The following AVEN variants were observed in gnomAD, a reference collection of about 807,000 sequenced individuals.
The protein encoded by AVEN is cell death regulator Aven.
Under a neutral mutation model 38.1 loss-of-function variants are expected in AVEN, and 41 were observed. That is an observed-to-expected ratio of 1.08 (90% confidence interval 0.84 to 1.40). The LOEUF (loss-of-function observed/expected upper bound fraction) is 1.40, where lower values mean the gene tolerates loss of function less well. Ranked by LOEUF, AVEN falls within the 40% of genes most tolerant of loss-of-function variation. The pLI, the probability that AVEN is intolerant of heterozygous loss-of-function variation, is 0.00. For synonymous variants in AVEN, 206 were observed against 171.8 expected (o/e 1.20, Z -1.56); for missense variants, 605 against 438.8 (o/e 1.38, Z -3.38).
intron 2 of AVEN, among the ~76,000 whole-genome samples, chr15:33,912,593 C>T (rs1008601070): frequency 6.6e-6 from 1 of 152,206 alleles, no homozygotes; most frequent in Non-Finnish European, 1.5e-5. Context: ...AAAGAGGATA[C>T]TTCAGTTGAG....
At chr15:34,012,544 T>C (rs986073932) in intron 1 of AVEN, among the ~76,000 whole-genome samples, 1 of 152,216 alleles carries the variant, frequency 6.6e-6, no homozygotes, top group East Asian at 1.9e-4. Context: ...ATATGCTTAA[T>C]GCTGCAAATG....
chr15:33,935,730 C>T (rs571522129), intron 2 of AVEN, among the ~76,000 whole-genome samples: 5 of 152,084 alleles, frequency 3.3e-5, no homozygotes, highest in African/African-American at 1.2e-4. Context: ...ATTGAGGCAG[C>T]CTATCTCTAT....
Position 33,875,955 on chromosome 15 carries a change from T to C in AVEN, c.486A>G (p.Glu162=). 6.2e-7 allele frequency: 1 copy of C among 1,613,776 alleles called. No homozygotes were observed. Among genetic ancestry groups the C allele is most frequent in the Non-Finnish European group, 8.5e-7 (1 of 1,179,970 alleles). ...TTGGACAAGAAGCTTCACTATCCCA[T>C]TCTTTCTCCTCAGCAAACCGGAACT... ...FSQFRFAEEK[E]WDSEASCPKQ... The change falls in exon 3 of 6, where the codon GAA becomes GAG. Residue 162 remains glutamate, a synonymous_variant. Transcript: ENST00000306730.
intron 2 of AVEN, among the ~76,000 whole-genome samples, chr15:33,927,083 T>C (rs1171016229): frequency 6.6e-6 from 1 of 152,032 alleles, no homozygotes; most frequent in Non-Finnish European, 1.5e-5. Flanking sequence ...TGAAACCCCA[T>C]CTCTACTAAA....
intron 5 of AVEN, 120 bp from the exon 6 acceptor site, chr15:33,866,848 T>A (rs1033052314): frequency 2.8e-6 from 2 of 708,116 alleles, no homozygotes; most frequent in Admixed American, 5.6e-5. Context: ...TCTTACTCCC[T>A]AAGATGATAC....
downstream of AVEN, chr15:33,858,163 C>T (rs1041632337): frequency 3.5e-5 from 16 of 460,140 alleles, no homozygotes; most frequent in Admixed American, 3.3e-4. Flanking sequence ...GCACCCTGCA[C>T]AGTGGCGTCA....
chr15:34,022,823 G>C (rs1342615435), intron 1 of AVEN, among the ~76,000 whole-genome samples: 1 of 152,198 alleles, frequency 6.6e-6, no homozygotes, highest in East Asian at 1.9e-4. Flanking sequence ...GATTTCTCTT[G>C]GATTTTTGCT....
At chr15:33,941,868 A>T (rs1448698672) in intron 2 of AVEN, among the ~76,000 whole-genome samples, 1 of 152,186 alleles carries the variant, frequency 6.6e-6, no homozygotes, top group Non-Finnish European at 1.5e-5. Context: ...CTATTTACAC[A>T]CTTCAGCTTT....
At chr15:33,917,058 C>G (rs996856932) in intron 2 of AVEN, among the ~76,000 whole-genome samples, 1 of 152,054 alleles carries the variant, frequency 6.6e-6, no homozygotes, top group African/African-American at 2.4e-5. Context: ...CTGGGTCTCT[C>G]CCACAACCCA....
rs535269742 is a variant in AVEN, at chr15:33,878,198, T to C, written c.446-2203A>G. Among the ~76,000 whole-genome samples the C allele has an allele frequency of 1.3e-4, 20 of 152,328 alleles. No individual in the cohort carries two copies. In the East Asian group the frequency reaches 2.9e-3, roughly 22 times the overall value. On this transcript the variant is annotated intron_variant, in intron 2 of 5. Transcript: ENST00000306730. ...TTTGAATTTGTCCAAATTACTCAAA[T>C]TCATTTTTTAAAATATATGAAACGA...
intron 2 of AVEN, among the ~76,000 whole-genome samples, chr15:33,876,492 A>T (rs773762120): frequency 5.9e-5 from 9 of 152,168 alleles, no homozygotes; most frequent in Non-Finnish European, 1.3e-4. Flanking sequence ...GAATCGCTTC[A>T]ACCCGGGAGG....
chr15:34,025,489 T>A (rs1898416449), intron 1 of AVEN, among the ~76,000 whole-genome samples: 1 of 152,134 alleles, frequency 6.6e-6, no homozygotes, highest in South Asian at 2.1e-4. Flanking sequence ...CTCTTAAGTG[T>A]CCCTTCATCC....
chr15:33,928,220 C>T (rs1413549084), intron 2 of AVEN, among the ~76,000 whole-genome samples: 3 of 152,142 alleles, frequency 2.0e-5, no homozygotes, highest in Non-Finnish European at 4.4e-5. Flanking sequence ...GCCACTACAA[C>T]AAAGACACAA....
intron 3 of AVEN, 121 bp downstream of exon 3, chr15:33,875,804 G>A (rs1891199191): frequency 2.1e-6 from 2 of 938,940 alleles, no homozygotes; most frequent in Non-Finnish European, 3.2e-6. Context: ...GTTTAGCTGA[G>A]GGTACACTGT....
intron 5 of AVEN, among the ~76,000 whole-genome samples, chr15:34,049,786 A>T (rs1260922591): frequency 6.6e-6 from 1 of 152,058 alleles, no homozygotes; most frequent in African/African-American, 2.4e-5. Flanking sequence ...GCCAGAGAGA[A>T]GGGCCAGTTC....
chr15:34,034,446 TAAAAA>T (rs34205777), intron 1 of AVEN, among the ~76,000 whole-genome samples: 1 of 143,722 alleles, frequency 7.0e-6, no homozygotes, highest in Non-Finnish European at 1.5e-5. Flanking sequence ...GTTTCTTTTT[TAAAAA>T]AAAAAAAAAA....
rs3027963 is a variant in AVEN, at chr15:34,058,555, A to AACACACACACACACAC, written n.1637+4351_1637+4366dup. 6.3e-5 allele frequency among the ~76,000 whole-genome samples: 9 copies of AACACACACACACACAC among 143,286 alleles called. 1 individual carries two copies. In the East Asian group the frequency reaches 6.3e-4, roughly 10 times the overall value. The allele number at this position is 143,286 out of a possible 152,430, so 94.0% of individuals were successfully genotyped here. A position where few individuals can be genotyped will look rare whatever the true frequency, so the allele number is the denominator to read the frequency against. ...AGGAAGTTCTCTCTGCTTTAATTCT[A>AACACACACACACACAC]ACACACACACACACACACACACACA... On this transcript the variant is annotated intron_variant and non_coding_transcript_variant, in intron 5 of 11. Coordinates refer to the AVEN transcript ENST00000675287.
chr15:33,854,809 G>A, downstream of AVEN: 2 of 1,613,722 alleles, frequency 1.2e-6, no homozygotes, highest in Non-Finnish European at 1.7e-6. Context: ...TCAGTCCTGG[G>A]CCACTACAAT....
At chr15:34,036,416 C>T (rs1555519088) in intron 1 of AVEN, among the ~76,000 whole-genome samples, 2 of 152,132 alleles carry the variant, frequency 1.3e-5, no homozygotes, top group Non-Finnish European at 2.9e-5. Context: ...CTTTACATGG[C>T]TAGGAGTCTA....
Sources: allele counts gnomAD v4.1 joint callset (sites outside exome capture counted in the v4.1 genomes callset), GRCh38; gene constraint gnomAD v4.1.1; transcripts MANE v1.5; gene names NCBI Gene and HGNC (gene_info 2026-07-23, HGNC 2026-07-21).